Variants in TDRD12 observed in about 807,000 individuals in gnomAD.
TDRD12 encodes tudor domain containing 12.
A neutral mutation model predicts 133.5 loss-of-function variants in TDRD12; 158 were observed. That is an observed-to-expected ratio of 1.18 (90% CI 1.04 to 1.35). TDRD12 has a LOEUF of 1.35. Ranked by LOEUF, TDRD12 falls within the 40% of genes most tolerant of loss-of-function variation. TDRD12 has a pLI of 0.00. For synonymous variants in TDRD12, 460 were observed against 477.9 expected, an observed-to-expected ratio of 0.96 and a Z score of 0.49; for missense variants, 1,443 against 1,321.3, an observed-to-expected ratio of 1.09 and a Z score of -1.43.
Position 32,798,430 on chromosome 19 carries a change from G to T in TDRD12, c.1753G>T (p.Glu585Ter). 1 of 1,534,120 alleles carries T rather than the reference G, an allele frequency of 6.5e-7. No individual in the cohort carries two copies. The highest frequency in any genetic ancestry group is 1.2e-5 in the South Asian group (1 of 83,950). The change falls in exon 16 of 28, where the codon GAA (glutamate) becomes TAA (stop). Residue 585 changes from glutamate to a stop codon, truncating the protein, a stop_gained. Coordinates refer to ENST00000444215, the Ensembl canonical transcript of TDRD12. LOFTEE classifies it high-confidence loss of function. Reference sequence around the variant, plus strand: ...AGAGGTGCTATTCTTGGAAGCCAATGAACAGGTGAGCGTGGCTTAAGGTCC... The same window carrying T: ...AGAGGTGCTATTCTTGGAAGCCAATTAACAGGTGAGCGTGGCTTAAGGTCC...
Position 32,731,733 on chromosome 19 carries a change from TC to T in TDRD12, c.35del (p.Pro12GlnfsTer8). On this transcript the variant is annotated frameshift_variant, in exon 2 of 28. Transcript: ENST00000444215. LOFTEE classifies it high-confidence loss of function. ...TTTTAAAAAATTTACAGATTGAAGA[TC>T]CAGGTTGCTTCTGGGTTATTATAAA... 1 of 1,535,586 alleles carries T rather than the reference TC, an allele frequency of 6.5e-7. No individual in the cohort carries two copies. The highest frequency in any genetic ancestry group is 1.4e-5 in the African/African-American group (1 of 72,196).
downstream of TDRD12, among the ~76,000 whole-genome samples, chr19:32,822,533 G>A (rs1967435960): frequency 6.6e-6 from 1 of 152,180 alleles, no homozygotes; most frequent in Non-Finnish European, 1.5e-5. Context: ...AGATCGTGAG[G>A]TCAGGAGATC....
At chr19:32,754,904 G>A (rs1251016959) in intron 6 of TDRD12, among the ~76,000 whole-genome samples, 1 of 152,016 alleles carries the variant, frequency 6.6e-6, no homozygotes, top group Admixed American at 6.6e-5. Flanking sequence ...AGGTGGTAAA[G>A]TGCAGAAGGC....
intron 7 of TDRD12, 24 bp downstream of exon 7, chr19:32,756,205 A>G (rs932532009): frequency 1.4e-6 from 2 of 1,393,484 alleles, no homozygotes; most frequent in South Asian, 3.6e-5. Flanking sequence ...CATCATATCA[A>G]TTTCCCTTAC....
At chr19:32,823,384 T>G (rs28477448), downstream of TDRD12, among the ~76,000 whole-genome samples, 4 of 151,526 alleles carry the variant, frequency 2.6e-5, no homozygotes, top group South Asian at 2.1e-4. Context: ...AGCTTTTTTT[T>G]GGGGGGTGGG....
intron 22 of TDRD12, among the ~76,000 whole-genome samples, chr19:32,808,182 T>C (rs1055649095): frequency 6.6e-6 from 1 of 152,224 alleles, no homozygotes; most frequent in Non-Finnish European, 1.5e-5. Context: ...GTTAAGAATT[T>C]TTTTATTTTC....
chr19:32,820,995 T>C (rs2145758033), intron 27 of TDRD12, 38 bp from the exon 28 acceptor site: 1 of 1,502,090 alleles, frequency 6.7e-7, no homozygotes, highest in African/African-American at 1.4e-5. Context: ...GCAGTTCCTG[T>C]AGAGAGCCAG....
At chr19:32,738,039 A>G (rs994508674) in intron 2 of TDRD12, among the ~76,000 whole-genome samples, 1 of 152,150 alleles carries the variant, frequency 6.6e-6, no homozygotes, top group African/African-American at 2.4e-5. Context: ...TGGGAGGCTG[A>G]GACAGGAGAA....
exon 23 of TDRD12, chr19:32,810,203 T>A: frequency 6.5e-7 from 1 of 1,536,028 alleles, no homozygotes; most frequent in Non-Finnish European, 8.7e-7. Flanking sequence ...ATTTTAAGGA[T>A]TCTAATAAAA....
At chr19:32,794,534 G>A in intron 13 of TDRD12, 94 bp from the exon 14 acceptor site, 1 of 635,652 alleles carries the variant, frequency 1.6e-6, no homozygotes, top group Non-Finnish European at 2.8e-6. Context: ...GTTTGGCAAT[G>A]TGTAGTGCTT....
At chr19:32,756,478 C>A (rs1599864133) in intron 7 of TDRD12, among the ~76,000 whole-genome samples, 1 of 151,330 alleles carries the variant, frequency 6.6e-6, no homozygotes, top group African/African-American at 2.4e-5. Flanking sequence ...AGCTCCTCCC[C>A]CCAGGTTCAC....
rs111890629 is a variant in TDRD12, at chr19:32,774,984, C to CAA, written c.1040+1464_1040+1465dup. Among the ~76,000 whole-genome samples the CAA allele has an allele frequency of 1.7e-4, 24 of 139,806 alleles. 1 individual carries two copies. The highest frequency in any genetic ancestry group is 6.0e-4 in the African/African-American group (23 of 38,312). 91.7% of individuals were successfully genotyped at this position (139,806 alleles called of 152,430 possible). A position where few individuals can be genotyped will look rare whatever the true frequency, so the allele number is the denominator to read the frequency against. ...TGGGCAACAGAACAAGACTCCGTTT[C>CAA]AAAAAAAAAAAAATCATAATATACC... On this transcript the variant is annotated intron_variant, in intron 10 of 27. Transcript: ENST00000444215.
intron 1 of TDRD12, among the ~76,000 whole-genome samples, chr19:32,725,035 T>C (rs559139598): frequency 1.3e-5 from 2 of 152,372 alleles, no homozygotes; most frequent in Admixed American, 1.3e-4. Flanking sequence ...TGTCTGTTCA[T>C]GCGCTTTGCC....
intron 3 of TDRD12, among the ~76,000 whole-genome samples, chr19:32,740,162 CTCTGCATCTCCTGGGTGCTG>C (rs1969373839): frequency 7.6e-6 from 1 of 132,202 alleles, no homozygotes; most frequent in Non-Finnish European, 1.6e-5. Context: ...CCTGGGTACT[CTCTGCATCTCCTGGGTGCTG>C]TCTGCATCTC....
chr19:32,778,763 G>A (rs1970680502), intron 11 of TDRD12, among the ~76,000 whole-genome samples: 1 of 152,190 alleles, frequency 6.6e-6, no homozygotes, highest in Non-Finnish European at 1.5e-5. Context: ...GCTTCCCAAA[G>A]TGCTAGGATT....
At chr19:32,787,557 G>T (rs909215362) in intron 11 of TDRD12, among the ~76,000 whole-genome samples, 3 of 152,216 alleles carry the variant, frequency 2.0e-5, no homozygotes, top group African/African-American at 4.8e-5. Flanking sequence ...AGTAGGCCTT[G>T]CTGAGCTGCG....
chr19:32,817,523 G>A (rs2145747223), intron 26 of TDRD12, among the ~76,000 whole-genome samples: 1 of 152,110 alleles, frequency 6.6e-6, no homozygotes, highest in African/African-American at 2.4e-5. Context: ...GCACACCTGG[G>A]CTGCTGCCCC....
intron 22 of TDRD12, among the ~76,000 whole-genome samples, chr19:32,809,332 C>G (rs891237166): frequency 6.6e-6 from 1 of 152,164 alleles, no homozygotes; most frequent in Non-Finnish European, 1.5e-5. Flanking sequence ...GAGCCCGTTT[C>G]CAGGGAGGGC....
intron 4 of TDRD12, among the ~76,000 whole-genome samples, chr19:32,744,190 T>C (rs1187154003): frequency 6.6e-6 from 1 of 151,976 alleles, no homozygotes; most frequent in African/African-American, 2.4e-5. Flanking sequence ...ATTTGCACAG[T>C]ACAGTCCCGT....
Sources: gnomAD v4.1 joint callset for allele counts (sites outside exome capture counted in the v4.1 genomes callset) on GRCh38, gnomAD v4.1.1 for gene constraint, MANE v1.5 for transcripts, NCBI Gene and HGNC (gene_info 2026-07-23, HGNC 2026-07-21) for gene names.